The following GC variants were observed in gnomAD, a reference collection of about 807,000 sequenced individuals.
GC encodes the protein GC vitamin D binding protein.
A neutral mutation model predicts 56.7 loss-of-function variants in GC; 43 were observed. That is an observed-to-expected ratio of 0.76 (90% CI 0.59 to 0.98). The LOEUF is 0.98. GC is among the 50% of genes least tolerant of loss of function. GC has a pLI of 0.00. For missense variants in GC, 529 were observed against 545.9 expected, an observed-to-expected ratio of 0.97 and a Z score of 0.31; for synonymous variants, 216 against 202.7, an observed-to-expected ratio of 1.07 and a Z score of -0.56.
chr4:71,779,341 G>C (rs940393554), intron 1 of GC, among the ~76,000 whole-genome samples: 1 of 151,978 alleles, frequency 6.6e-6, no homozygotes, highest in South Asian at 2.1e-4. Flanking sequence ...ATAATGGACT[G>C]GTAGGTGTTA....
chr4:71,759,257 A>G (rs188261440), intron 6 of GC, among the ~76,000 whole-genome samples: 13 of 152,224 alleles, frequency 8.5e-5, no homozygotes, highest in African/African-American at 2.9e-4. Flanking sequence ...TGGAAGTGCA[A>G]ATCTCTTTGA....
intron 1 of GC, among the ~76,000 whole-genome samples, chr4:71,782,936 C>T (rs1007029917): frequency 4.0e-5 from 6 of 151,596 alleles, no homozygotes; most frequent in Non-Finnish European, 7.4e-5. Context: ...TACCTAAGGA[C>T]GCATAGCTTA....
chr4:71,801,657 G>A (rs1464661794), intron 1 of GC, among the ~76,000 whole-genome samples: 1 of 151,918 alleles, frequency 6.6e-6, no homozygotes, highest in Non-Finnish European at 1.5e-5. Flanking sequence ...ATACCTAAAA[G>A]AGAAAATACT....
intron 8 of GC, among the ~76,000 whole-genome samples, chr4:71,755,490 A>G (rs894336796): frequency 1.3e-5 from 2 of 152,116 alleles, no homozygotes; most frequent in African/African-American, 4.8e-5. Flanking sequence ...AATATCTATC[A>G]TAAAGGCAGA....
chr4:71,749,330 T>C (rs1035398798), intron 11 of GC, among the ~76,000 whole-genome samples: 3 of 152,188 alleles, frequency 2.0e-5, no homozygotes, highest in African/African-American at 7.2e-5. Context: ...ATATGTTATA[T>C]TGAAAACCAA....
chr4:71,773,181 G>C (rs1361640824), intron 1 of GC, among the ~76,000 whole-genome samples: 1 of 151,988 alleles, frequency 6.6e-6, no homozygotes, highest in Non-Finnish European at 1.5e-5. Flanking sequence ...GTAAATATTG[G>C]CATAATCTTA....
chr4:71,754,259 G>T (rs991491590), intron 10 of GC, 152 bp downstream of exon 10: 10 of 572,924 alleles, frequency 1.7e-5, no homozygotes, highest in Non-Finnish European at 3.1e-5. Context: ...CACTCTATGA[G>T]ATTCTGACTA....
In GC at chr4:71,768,412, T is replaced by A; in HGVS notation, c.150A>T (p.Arg50Ser). 2.5e-6 allele frequency: 4 copies of A among 1,613,596 alleles called. No individual in the cohort carries two copies. The highest frequency in any genetic ancestry group is 3.4e-6 in the Non-Finnish European group (4 of 1,179,694). The part of the protein sequence containing the change: ...FTSLSLVLYS[R>S]KFPSGTFEQV... ...GTTCAAACGTGCCACTGGGAAATTT[T>A]CTACTGTACAGGACTAGTGACCTGA... is the stretch of plus-strand genomic sequence containing the variant. The change falls in exon 3 of 13, where the codon AGA becomes AGT. Residue 50 changes from arginine to serine, a missense_variant. Arg to Ser is a moderately radical substitution (Grantham distance 110). Transcript: ENST00000273951.
chr4:71,800,839 A>G (rs1743229848), intron 1 of GC, among the ~76,000 whole-genome samples: 1 of 152,162 alleles, frequency 6.6e-6, no homozygotes, highest in Admixed American at 6.6e-5. Context: ...CAGACACTTT[A>G]CACTTTCTAT....
upstream of GC, among the ~76,000 whole-genome samples, chr4:71,787,063 T>A (rs1048981179): frequency 3.3e-5 from 5 of 151,882 alleles, no homozygotes; most frequent in Admixed American, 2.0e-4. Context: ...GAAATTCCAA[T>A]ATCCTTGTAA....
chr4:71,796,962 C>T (rs968083722), intron 1 of GC, among the ~76,000 whole-genome samples: 2 of 152,222 alleles, frequency 1.3e-5, no homozygotes, highest in African/African-American at 4.8e-5. Context: ...TAAAGGTCCA[C>T]TCCAGACCCT....
chr4:71,799,513 C>T (rs1743197305), intron 1 of GC, among the ~76,000 whole-genome samples: 2 of 152,136 alleles, frequency 1.3e-5, no homozygotes, highest in South Asian at 4.1e-4. Context: ...TTATTTAAAT[C>T]CTGATTGCTC....
intron 1 of GC, among the ~76,000 whole-genome samples, chr4:71,797,053 T>C (rs1743123844): frequency 6.6e-6 from 1 of 152,200 alleles, no homozygotes; most frequent in African/African-American, 2.4e-5. Context: ...ATCCTTCCTC[T>C]GGAAGCTTTG....
At chr4:71,798,333 T>G (rs1404411896) in intron 1 of GC, among the ~76,000 whole-genome samples, 2 of 152,234 alleles carry the variant, frequency 1.3e-5, no homozygotes, top group Non-Finnish European at 2.9e-5. Flanking sequence ...TTGGTTTCTG[T>G]TGACTGATTT....
chr4:71,755,177 T>TATTTA (rs1553947385), intron 8 of GC, 70 bp from the exon 9 acceptor site: 160 of 776,920 alleles, frequency 2.1e-4, no homozygotes, highest in East Asian at 2.6e-4. Context: ...TTTATTTATT[T>TATTTA]TTTGTGACAG....
At chr4:71,777,164 G>T (rs556063228) in intron 1 of GC, among the ~76,000 whole-genome samples, 51 of 151,736 alleles carry the variant, frequency 3.4e-4, no homozygotes, top group African/African-American at 1.2e-3. Flanking sequence ...GTGTTAGCAA[G>T]AATTTTTTTT....
At chr4:71,805,363 C>G, upstream of GC, among the ~76,000 whole-genome samples, 1 of 152,128 alleles carries the variant, frequency 6.6e-6, no homozygotes, top group East Asian at 1.9e-4. Flanking sequence ...AGGGTTCTGT[C>G]GCAATCTGTT....
Position 71,799,173 on chromosome 4 carries a change from C to T in GC, c.21+4753G>A, listed in dbSNP as rs190407157. On this transcript the variant is annotated intron_variant, in intron 1 of 13. Coordinates refer to the GC transcript ENST00000504199. Reference sequence around the variant, plus strand: ...AAGTCTCTGGAAGTGGTTCTAGGGGCATATAGCAAATGAAGCATTTACTCA... The same window carrying T: ...AAGTCTCTGGAAGTGGTTCTAGGGGTATATAGCAAATGAAGCATTTACTCA... 1.9e-4 allele frequency among the ~76,000 whole-genome samples: 29 copies of T among 152,254 alleles called. No homozygotes were observed. In the East Asian group the frequency reaches 3.3e-3, roughly 17 times the overall value.
rs1040330812 is a variant in GC, at chr4:71,777,338, G to T, written c.58+6623C>A. Among the ~76,000 whole-genome samples the T allele has an allele frequency of 3.3e-5, 5 of 151,676 alleles. No individual in the cohort carries two copies. In the East Asian group the frequency reaches 5.9e-4, roughly 18 times the overall value. ...CATTGTGATATACATTGCTTTAAGT[G>T]CTTTTATAGCACTTCATTTGTCTTA... On this transcript the variant is annotated intron_variant, in intron 1 of 12. Transcript: ENST00000273951.
Sources: allele counts gnomAD v4.1 joint callset (sites outside exome capture counted in the v4.1 genomes callset), GRCh38; gene constraint gnomAD v4.1.1; transcripts MANE v1.5; gene names NCBI Gene and HGNC (gene_info 2026-07-23, HGNC 2026-07-21).